DSC1: variants seen among roughly 807,000 people sequenced by gnomAD.
DSC1 encodes the protein desmocollin-1.
DSC1 carries 79 observed loss-of-function variants against 98.8 expected under a neutral mutation model. That is an observed-to-expected ratio of 0.80 (90% CI 0.67 to 0.96). DSC1 has a LOEUF of 0.96. Ranked by LOEUF, DSC1 falls within the 50% of genes least tolerant of loss-of-function variation. The pLI is 0.00. For synonymous variants in DSC1, 405 were observed against 372.1 expected (o/e 1.09, Z -1.02); for missense variants, 1,115 against 1,075.9 (o/e 1.04, Z -0.51).
chr18:31,149,453 G>A (rs1988915718), intron 5 of DSC1, among the ~76,000 whole-genome samples: 1 of 152,148 alleles, frequency 6.6e-6, no homozygotes, highest in Non-Finnish European at 1.5e-5. Flanking sequence ...ATAAGCCTTA[G>A]TAGTCAGTTG....
chr18:31,143,395 A>AATT (rs1988777810), intron 8 of DSC1, among the ~76,000 whole-genome samples: 8 of 92,602 alleles, frequency 8.6e-5, no homozygotes, highest in East Asian at 8.0e-4. Flanking sequence ...ATAAAATAAA[A>AATT]TAAAAGTTTA....
chr18:31,155,987 A>G, intron 4 of DSC1, 56 bp downstream of exon 4: 1 of 1,580,274 alleles, frequency 6.3e-7, no homozygotes. Flanking sequence ...TCAAATGAAA[A>G]GTTTAAGAAC....
At chr18:31,132,231 G>A (rs1359009503) in intron 14 of DSC1, 4 of 341,816 alleles carry the variant, frequency 1.2e-5, no homozygotes, top group Non-Finnish European at 2.2e-5. Flanking sequence ...CATAAGCCAG[G>A]GAATTGGCAG....
At chr18:31,134,838 A>C in intron 11 of DSC1, 54 bp from the exon 12 acceptor site, 1 of 1,497,066 alleles carries the variant, frequency 6.7e-7, no homozygotes, top group Non-Finnish European at 9.1e-7. Flanking sequence ...ATTTATTTTC[A>C]ACAATTTATA....
chr18:31,156,738 G>A (rs977333956), intron 3 of DSC1, among the ~76,000 whole-genome samples: 1 of 152,160 alleles, frequency 6.6e-6, no homozygotes, highest in Non-Finnish European at 1.5e-5. Flanking sequence ...TTTATAAGAC[G>A]AAATTCATTG....
chr18:31,139,742 A>G lies in DSC1; in HGVS notation c.1663+6T>C, dbSNP rs753101721. 1 of 1,575,282 alleles carries G rather than the reference A, an allele frequency of 6.3e-7. No homozygotes were observed. Among genetic ancestry groups the G allele is most frequent in the Non-Finnish European group, 8.6e-7 (1 of 1,163,758 alleles). On this transcript the variant is annotated splice_donor_region_variant and intron_variant, in intron 11 of 15. Coordinates refer to ENST00000257198, the MANE Select transcript of DSC1 (RefSeq NM_024421.2). ...TTATATTTTATCTGTAGAAAATGGC[A>G]CTCACCTGCATCCACTGCAACAACT...
At chr18:31,154,559 T>C (rs1449682184) in intron 5 of DSC1, among the ~76,000 whole-genome samples, 3 of 152,160 alleles carry the variant, frequency 2.0e-5, no homozygotes, top group Non-Finnish European at 4.4e-5. Context: ...AATTCCATCG[T>C]TATATTTTCT....
chr18:31,132,835 A>T (rs902161390), intron 13 of DSC1, 146 bp from the exon 14 acceptor site: 4 of 709,622 alleles, frequency 5.6e-6, no homozygotes, highest in Admixed American at 3.1e-5. Flanking sequence ...AGAATATTTT[A>T]AAAATGTATT....
In DSC1 at chr18:31,140,211, G is replaced by C. The variant is rs148326131; in HGVS notation, c.1351C>G (p.Pro451Ala). 6.2e-7 allele frequency: 1 copy of C among 1,613,984 alleles called. No individual in the cohort carries two copies. The highest frequency in any genetic ancestry group is 8.5e-7 in the Non-Finnish European group (1 of 1,179,920). The stretch of plus-strand genomic sequence containing the variant: ...GTGACAGTTGTAGTGCACATTGTAG[G>C]AGTTTGTGAGCTCGCTGCTTTAGAG... The part of the protein sequence containing the change: ...QFSKAASSQT[P>A]TMCTTTVTVK... The change falls in exon 10 of 16, where the codon CCT becomes GCT. Residue 451 changes from proline (P) to alanine (A), a missense_variant. Coordinates refer to ENST00000257198, the MANE Select transcript of DSC1 (RefSeq NM_024421.2).
chr18:31,141,004 C>T (rs1465063574), intron 9 of DSC1, among the ~76,000 whole-genome samples: 1 of 152,120 alleles, frequency 6.6e-6, no homozygotes, highest in African/African-American at 2.4e-5. Flanking sequence ...TTTGCTTCTG[C>T]CTCATTCTTC....
In DSC1 at chr18:31,145,682, G is replaced by T; in HGVS notation, c.868C>A (p.His290Asn). Residue 290 changes from histidine (H) to asparagine (N), a missense_variant, in exon 7 of 16, where the codon CAT (histidine) becomes AAT (asparagine). By Grantham distance (68) the His-to-Asn change is moderately conservative. Coordinates refer to ENST00000257198, the MANE Select transcript of DSC1 (RefSeq NM_024421.2). ...KYKILQQIPDHPKHFSIHPDT... is the reference protein window; with the variant it reads ...KYKILQQIPDNPKHFSIHPDT... The stretch of plus-strand genomic sequence containing the variant: ...GGGTGTATGGAGAAATGCTTTGGAT[G>T]ATCTGGGATTTGTTGTAAGATTTTA... 1 of 1,614,222 alleles carries T rather than the reference G, an allele frequency of 6.2e-7. No homozygotes were observed. Among genetic ancestry groups the T allele is most frequent in the East Asian group, 2.2e-5 (1 of 44,886 alleles).
chr18:31,131,736 A>G lies in DSC1; in HGVS notation c.2345T>C (p.Met782Thr), dbSNP rs982265208. The G allele has an allele frequency of 1.9e-6, 3 of 1,614,036 alleles. No individual in the cohort carries two copies. Among genetic ancestry groups the G allele is most frequent in the African/African-American group, 2.7e-5 (2 of 74,938 alleles). The change falls in exon 15 of 16, where the codon ATG becomes ACG. Residue 782 changes from methionine to threonine, a missense_variant. Met to Thr is a moderately conservative substitution (Grantham distance 81). Coordinates refer to ENST00000257198, the MANE Select transcript of DSC1 (RefSeq NM_024421.2). ...ATCCAAAGTGTAGCCTCCTTTGACC[A>G]TCTCAAAACTTTGCTGTGTTTTGAT... ...QGIKTQQSFE[M>T]VKGGYTLDSN...
chr18:31,162,281 A>G (rs1568007329), intron 1 of DSC1, among the ~76,000 whole-genome samples: 1 of 152,202 alleles, frequency 6.6e-6, no homozygotes. Context: ...CCACAGCAGG[A>G]TGGAAGAGGG....
intron 2 of DSC1, among the ~76,000 whole-genome samples, chr18:31,158,135 C>T (rs1413388001): frequency 6.6e-6 from 1 of 152,040 alleles, no homozygotes; most frequent in Non-Finnish European, 1.5e-5. Context: ...AGCATGGTGG[C>T]GTGCACCTGT....
At position 31,133,949 on chromosome 18, in the gene DSC1, A is replaced by G; in HGVS notation, c.2058T>C (p.Asn686=). ...GAATAGCCCATCTTCCAAGTATTAC[A>G]TTTGGTCTAACGTCTCTTGTACTTT... The part of the protein sequence containing the change: ...KDKSTRDVRP[N]VILGRWAILA... The change falls in exon 13 of 16, where the codon AAT becomes AAC. Residue 686 remains asparagine, a synonymous_variant. Transcript: ENST00000257198. 1 of 1,613,368 alleles carries G rather than the reference A, an allele frequency of 6.2e-7. No homozygotes were observed. Among genetic ancestry groups the G allele is most frequent in the Non-Finnish European group, 8.5e-7 (1 of 1,179,594 alleles).
At chr18:31,137,663 C>G (rs531225609) in intron 11 of DSC1, among the ~76,000 whole-genome samples, 1 of 151,488 alleles carries the variant, frequency 6.6e-6, no homozygotes, top group Non-Finnish European at 1.5e-5. Flanking sequence ...AGAAGCCACA[C>G]CATATATGAT....
At chr18:31,160,486 G>A (rs1289099748) in intron 1 of DSC1, among the ~76,000 whole-genome samples, 2 of 152,114 alleles carry the variant, frequency 1.3e-5, no homozygotes, top group African/African-American at 4.8e-5. Flanking sequence ...CCATATTAAG[G>A]ATGTGCACTT....
At chr18:31,132,956 G>C (rs1988528269) in intron 13 of DSC1, among the ~76,000 whole-genome samples, 1 of 152,028 alleles carries the variant, frequency 6.6e-6, no homozygotes, top group African/African-American at 2.4e-5. Context: ...TCATCTAACT[G>C]ATATTTAAGA....
In DSC1 at chr18:31,140,379, G is replaced by A. The variant is rs193249422; in HGVS notation, c.1261-78C>T. On this transcript the variant is annotated intron_variant, in intron 9 of 15. Transcript: ENST00000257198. ...TTCTAATTTCAAATTTTCCTACAAAGGAATATCATTTTTACATTTAAAATG... is the reference window on the plus strand; with the variant it reads ...TTCTAATTTCAAATTTTCCTACAAAAGAATATCATTTTTACATTTAAAATG... 4.3e-4 allele frequency: 604 copies of A among 1,400,896 alleles called. 4 individuals carry two copies. In the African/African-American group the frequency reaches 8.0e-3, roughly 19 times the overall value. The allele number at this position is 1,400,896 out of a possible 1,614,324, so 86.8% of individuals were successfully genotyped here. A position where few individuals can be genotyped will look rare whatever the true frequency, so the allele number is the denominator to read the frequency against.
Sources: allele counts gnomAD v4.1 joint callset (sites outside exome capture counted in the v4.1 genomes callset), GRCh38; gene constraint gnomAD v4.1.1; transcripts MANE v1.5; gene names NCBI Gene and HGNC (gene_info 2026-07-23, HGNC 2026-07-21).